DGKH: variants seen among roughly 807,000 people sequenced by gnomAD.
DGKH encodes the protein diacylglycerol kinase eta.
DGKH carries 90 observed loss-of-function variants against 159.3 expected under a neutral mutation model. That is an observed-to-expected ratio of 0.57 (90% confidence interval 0.48 to 0.67). The LOEUF is 0.67. DGKH is among the 30% of genes least tolerant of loss of function. The pLI, the probability that DGKH is intolerant of heterozygous loss-of-function variation, is 0.00. For synonymous variants in DGKH, 536 were observed against 553.8 expected, an observed-to-expected ratio of 0.97 and a Z score of 0.45; for missense variants, 1,181 against 1,506.1, an observed-to-expected ratio of 0.78 and a Z score of 3.57.
intron 1 of DGKH, among the ~76,000 whole-genome samples, chr13:42,115,953 GA>G (rs1954959969): frequency 1.3e-5 from 2 of 152,308 alleles, no homozygotes; most frequent in South Asian, 4.1e-4. Context: ...AGTGGAAAGG[GA>G]TGGATTTAAG....
chr13:42,250,284 T>TAA (rs35902487), intron 29 of DGKH, among the ~76,000 whole-genome samples: 2 of 145,456 alleles, frequency 1.4e-5, no homozygotes, highest in African/African-American at 5.0e-5. Flanking sequence ...AGCTCCTATT[T>TAA]AAAAAAAAAA....
chr13:42,075,076 T>A (rs1954070157), intron 1 of DGKH, among the ~76,000 whole-genome samples: 1 of 152,190 alleles, frequency 6.6e-6, no homozygotes, highest in Non-Finnish European at 1.5e-5. Flanking sequence ...GTTTCCTAAT[T>A]TTAAAATAGA....
chr13:42,206,961 T>A (rs1957489122), intron 21 of DGKH, among the ~76,000 whole-genome samples: 1 of 140,188 alleles, frequency 7.1e-6, no homozygotes, highest in Non-Finnish European at 1.6e-5. Context: ...ACAATACCTT[T>A]TGGTACTTTT....
At position 42,210,650 on chromosome 13, in the gene DGKH, T is replaced by C; in HGVS notation, c.2899T>C (p.Ser967Pro). The C allele has an allele frequency of 5.0e-6, 8 of 1,612,086 alleles. No homozygotes were observed. The highest frequency in any genetic ancestry group is 6.8e-6 in the Non-Finnish European group (8 of 1,179,938). ...KSWEDKQKCD[S>P]GKPVLRTHLY... The stretch of plus-strand genomic sequence containing the variant: ...TTGGGAAGATAAGCAGAAGTGTGAT[T>C]CTGGTAAACCAGTTCTCCGAACCCA... Residue 967 changes from serine to proline, a missense_variant, in exon 24 of 30, where the codon TCT becomes CCT. By Grantham distance (74) the Ser-to-Pro change is moderately conservative. Around this residue, in one of 5 missense-constraint regions of DGKH, gnomAD observed 335 missense variants for 495.2 expected, o/e 0.68. Coordinates refer to ENST00000337343, the MANE Select transcript of DGKH (RefSeq NM_178009.5).
intron 1 of DGKH, among the ~76,000 whole-genome samples, chr13:42,114,873 C>T (rs9533002): frequency 0.27 from 41,025 of 152,094 alleles, 5,645 homozygotes; most frequent in Non-Finnish European, 0.3. Flanking sequence ...TTGTATCAGT[C>T]CCACTAAAAA....
At chr13:42,164,688 T>G (rs1341269465) in intron 7 of DGKH, among the ~76,000 whole-genome samples, 1 of 152,194 alleles carries the variant, frequency 6.6e-6, no homozygotes, top group Non-Finnish European at 1.5e-5. Context: ...TGCATGACCA[T>G]GAAACTCATT....
rs1555275936 is a variant in DGKH, at chr13:42,206,975, T to TTTTCTCTTTCTTTCTTTCTTTCTTTC, written c.2601+834_2601+835insCTTTCTTTCTTTCTTTCTTTCTTTCT. 3.3e-4 allele frequency among the ~76,000 whole-genome samples: 27 copies of TTTTCTCTTTCTTTCTTTCTTTCTTTC among 82,310 alleles called. 1 individual carries two copies. Among genetic ancestry groups the TTTTCTCTTTCTTTCTTTCTTTCTTTC allele is most frequent in the East Asian group, 1.2e-3 (3 of 2,454 alleles). The allele number at this position is 82,310 out of a possible 152,430, so 54.0% of individuals were successfully genotyped here. ...CACAATACCTTTTGGTACTTTTACTTTTTCTTTCTTTCTTTCTTTCTTTCT... is the reference window on the plus strand; with the variant it reads ...CACAATACCTTTTGGTACTTTTACTTTTTCTCTTTCTTTCTTTCTTTCTTTCTTTCTTTCTTTCTTTCTTTCTTTCT... On this transcript the variant is annotated intron_variant, in intron 21 of 29. Transcript: ENST00000337343.
intron 5 of DGKH, 34 bp downstream of exon 5, chr13:42,155,833 C>T: frequency 1.2e-6 from 2 of 1,612,948 alleles, no homozygotes; most frequent in Non-Finnish European, 8.5e-7. Context: ...TTTCTCCCAA[C>T]AGTAACCATA....
At chr13:42,047,687 G>C (rs1021599482), upstream of DGKH, among the ~76,000 whole-genome samples, 1 of 152,188 alleles carries the variant, frequency 6.6e-6, no homozygotes, top group Non-Finnish European at 1.5e-5. Flanking sequence ...AGTTGTGCGC[G>C]GTGGCTACAG....
chr13:42,152,195 C>T (rs1165749419), intron 3 of DGKH, among the ~76,000 whole-genome samples: 3 of 152,052 alleles, frequency 2.0e-5, no homozygotes, highest in African/African-American at 7.2e-5. Context: ...TAAGAGAGTA[C>T]ATTTGTGTTG....
At chr13:42,175,036 AC>A (rs1294622450) in intron 12 of DGKH, among the ~76,000 whole-genome samples, 1 of 151,958 alleles carries the variant, frequency 6.6e-6, no homozygotes, top group Non-Finnish European at 1.5e-5. Flanking sequence ...TTAAAACAGA[AC>A]CTGACTTTCA....
At chr13:42,129,473 C>T in intron 2 of DGKH, 79 bp from the exon 3 acceptor site, 1 of 1,187,808 alleles carries the variant, frequency 8.4e-7, no homozygotes, top group African/African-American at 1.5e-5. Context: ...ATTCCTAATT[C>T]CTGTATTGAA....
At chr13:42,189,873 G>A (rs904737981) in intron 15 of DGKH, among the ~76,000 whole-genome samples, 1 of 152,044 alleles carries the variant, frequency 6.6e-6, no homozygotes, top group African/African-American at 2.4e-5. Flanking sequence ...TCACCATGTT[G>A]CCCAGGCTGA....
At chr13:42,161,260 A>G (rs1956172685) in intron 7 of DGKH, among the ~76,000 whole-genome samples, 1 of 152,198 alleles carries the variant, frequency 6.6e-6, no homozygotes, top group Non-Finnish European at 1.5e-5. Context: ...ACAACCACTG[A>G]TAACAAATTT....
intron 29 of DGKH, among the ~76,000 whole-genome samples, 177 bp downstream of exon 29, chr13:42,221,571 C>T (rs1376534122): frequency 6.6e-6 from 1 of 152,174 alleles, no homozygotes; most frequent in South Asian, 2.1e-4. Context: ...AGAATGTCAG[C>T]AGTATTTTCC....
At chr13:42,183,125 C>G (rs1319157705) in intron 13 of DGKH, among the ~76,000 whole-genome samples, 6 of 151,964 alleles carry the variant, frequency 3.9e-5, no homozygotes, top group Admixed American at 3.3e-4. Flanking sequence ...CCCATCTCTA[C>G]AAAAAGTTTT....
intron 1 of DGKH, among the ~76,000 whole-genome samples, chr13:42,071,842 A>G (rs1882992573): frequency 6.6e-6 from 1 of 152,216 alleles, no homozygotes. Context: ...ACTTTGCCGC[A>G]GTCACCGCCA....
Position 42,240,068 on chromosome 13 carries a change from C to T in DGKH, c.*10880C>T, listed in dbSNP as rs1958487909. 6.6e-6 allele frequency: 1 copy of T among 152,210 alleles called. No homozygotes were observed. Among genetic ancestry groups the T allele is most frequent in the African/African-American group, 2.4e-5 (1 of 41,452 alleles). The allele number at this position is 152,210 out of a possible 1,614,324, so 9.4% of individuals were successfully genotyped here. On this transcript the variant is annotated 3_prime_UTR_variant, in exon 30 of 30. Coordinates refer to ENST00000337343, the MANE Select transcript of DGKH (RefSeq NM_178009.5). ...TAACATAACATTTCAATTACACACA[C>T]ACAACCTGTCTCTTCCACTGAACTT...
intron 1 of DGKH, among the ~76,000 whole-genome samples, chr13:42,093,625 C>A (rs879379034): frequency 6.6e-6 from 1 of 152,188 alleles, no homozygotes; most frequent in Admixed American, 6.5e-5. Context: ...AATAAACAGA[C>A]GAATGGGTAA....
Sources: allele counts gnomAD v4.1 joint callset (sites outside exome capture counted in the v4.1 genomes callset), GRCh38; gene constraint gnomAD v4.1.1; regional missense constraint gnomAD v4.1.1; transcripts MANE v1.5; gene names NCBI Gene and HGNC (gene_info 2026-07-23, HGNC 2026-07-21).